ZNF37A: variants seen among roughly 807,000 people sequenced by gnomAD.
The protein encoded by ZNF37A is zinc finger protein 37a (KOX 21).
In ZNF37A, 10 loss-of-function variants were observed where a neutral mutation model predicts 12.3. That is an observed-to-expected ratio of 0.82 (90% confidence interval 0.50 to 1.38). ZNF37A has a LOEUF of 1.38. Ranked by LOEUF, ZNF37A falls within the 40% of genes most tolerant of loss-of-function variation. The pLI is 0.00. For synonymous variants in ZNF37A, 207 were observed against 223.0 expected (o/e 0.93, Z 0.64); for missense variants, 580 against 651.2 (o/e 0.89, Z 1.19).
intron 5 of ZNF37A, among the ~76,000 whole-genome samples, chr10:38,103,972 G>A (rs988740130): frequency 5.9e-5 from 9 of 152,190 alleles, no homozygotes; most frequent in African/African-American, 1.7e-4. Context: ...TACACAGAGC[G>A]TGAAGGTCAA....
At chr10:38,125,156 T>C (rs1413392718), downstream of ZNF37A, 1 of 152,188 alleles carries the variant, frequency 6.6e-6, no homozygotes, top group Non-Finnish European at 1.5e-5. Context: ...AAAATAAATT[T>C]AATGCACTTA....
In ZNF37A at chr10:38,122,105, A is replaced by T. The variant is rs1250319876; in HGVS notation, c.*3268A>T. 5 of 152,250 alleles carry T rather than the reference A, an allele frequency of 3.3e-5. No homozygotes were observed. Among genetic ancestry groups the T allele is most frequent in the African/African-American group, 1.2e-4 (5 of 41,410 alleles). 9.4% of individuals were successfully genotyped at this position (152,250 alleles called of 1,614,324 possible). A position where few individuals can be genotyped will look rare whatever the true frequency, so the allele number is the denominator to read the frequency against. On this transcript the variant is annotated 3_prime_UTR_variant, in exon 8 of 8. Coordinates refer to ENST00000685332, the MANE Select transcript of ZNF37A (RefSeq NM_001324250.3). ...ACAAAAATTAGCCAGGCATGGTGGC[A>T]TGCACCTGTAGTCCGAGGTACTCAG... is the stretch of plus-strand genomic sequence containing the variant.
At chr10:38,113,981 A>C (rs1191065771) in intron 5 of ZNF37A, among the ~76,000 whole-genome samples, 1 of 152,210 alleles carries the variant, frequency 6.6e-6, no homozygotes. Flanking sequence ...TTATATTTTT[A>C]TCTAAAAAAT....
rs755012320 is a variant in ZNF37A at position 38,117,493 on chromosome 10, A to G, written c.342A>G (p.Glu114=). ...CDEKHEIIHS[E]EEPSEYNKNG... ...AAAAGCATGAAATAATTCATTCTGA[A>G]GAGGAACCTTCTGAATATAATAAAA... The change falls in exon 8 of 8, where the codon GAA becomes GAG. Residue 114 remains glutamate, a synonymous_variant. Coordinates refer to ENST00000685332, the MANE Select transcript of ZNF37A (RefSeq NM_001324250.3). The G allele has an allele frequency of 1.2e-5, 19 of 1,613,108 alleles. No homozygotes were observed. In the South Asian group the frequency reaches 1.8e-4, roughly 15 times the overall value.
In ZNF37A at chr10:38,146,858, G is replaced by A. The variant is rs2070262284; in HGVS notation, c.*38G>A. On this transcript the variant is annotated 3_prime_UTR_variant, in exon 8 of 8. Coordinates refer to the ZNF37A transcript ENST00000638053. ...AAAGACAAAGACACAGAAATAAAGT[G>A]CAAAGTGGGAATCGGGGATAACAGC... 1.3e-5 allele frequency: 5 copies of A among 397,840 alleles called. No homozygotes were observed. The East Asian group carries it at 1.8e-4, about 14-fold the overall frequency. 24.6% of individuals were successfully genotyped at this position (397,840 alleles called of 1,614,324 possible).
At chr10:38,140,158 T>C (rs1590949283) in intron 7 of ZNF37A, 1 of 152,250 alleles carries the variant, frequency 6.6e-6, no homozygotes, top group African/African-American at 2.4e-5. Flanking sequence ...TACCAAATGC[T>C]ACACCACAAA....
At chr10:38,132,064 A>G (rs541638425) in intron 7 of ZNF37A, among the ~76,000 whole-genome samples, 1 of 152,258 alleles carries the variant, frequency 6.6e-6, no homozygotes, top group Non-Finnish European at 1.5e-5. Flanking sequence ...TCATCTGCAA[A>G]TAGAGATATT....
chr10:38,096,787 T>C (rs1189052327), intron 5 of ZNF37A, among the ~76,000 whole-genome samples, 155 bp downstream of exon 5: 1 of 152,228 alleles, frequency 6.6e-6, no homozygotes, highest in Non-Finnish European at 1.5e-5. Flanking sequence ...TGCCGCATGT[T>C]TTTTTATGGT....
chr10:38,100,431 T>C (rs936308910), intron 5 of ZNF37A, among the ~76,000 whole-genome samples: 14 of 152,228 alleles, frequency 9.2e-5, no homozygotes, highest in East Asian at 5.8e-4. Context: ...CTACAGACCA[T>C]AGGAGACGGC....
intron 7 of ZNF37A, among the ~76,000 whole-genome samples, chr10:38,131,380 T>A (rs2070024857): frequency 6.6e-6 from 1 of 152,166 alleles, no homozygotes; most frequent in Admixed American, 6.6e-5. Flanking sequence ...GCATGTGTTG[T>A]AAGGGTCCAA....
At chr10:38,097,170 G>C (rs2067214556) in intron 5 of ZNF37A, among the ~76,000 whole-genome samples, 2 of 152,356 alleles carry the variant, frequency 1.3e-5, no homozygotes, top group Non-Finnish European at 2.9e-5. Flanking sequence ...AGGTGACACT[G>C]TGAAACTTCT....
At chr10:38,112,951 G>GCA in intron 5 of ZNF37A, among the ~76,000 whole-genome samples, 1 of 151,890 alleles carries the variant, frequency 6.6e-6, no homozygotes, top group East Asian at 1.9e-4. Context: ...GGGATTACAG[G>GCA]TGCCTGCCAC....
chr10:38,112,783 T>TCTTGTCTTG lies in ZNF37A; in HGVS notation c.16-1972_16-1971insCTTGTCTTG, dbSNP rs1564932429. 4.2e-3 allele frequency among the ~76,000 whole-genome samples: 242 copies of TCTTGTCTTG among 57,858 alleles called. 15 individuals carry two copies. Among genetic ancestry groups the TCTTGTCTTG allele is most frequent in the African/African-American group, 0.011 (172 of 16,300 alleles). 38.0% of individuals were successfully genotyped at this position (57,858 alleles called of 152,430 possible). A position where few individuals can be genotyped will look rare whatever the true frequency, so the allele number is the denominator to read the frequency against. On this transcript the variant is annotated intron_variant, in intron 5 of 7. Transcript: ENST00000685332. ...TTCTTTTCTTTTCTTTTCTTTTCTTTTCTTTTCTTTTCTTGTCTTGTCTTG... is the reference window on the plus strand; with the variant it reads ...TTCTTTTCTTTTCTTTTCTTTTCTTTCTTGTCTTGTCTTTTCTTTTCTTGTCTTGTCTTG...
In ZNF37A at chr10:38,117,961, T is replaced by G; in HGVS notation, c.810T>G (p.Pro270=). The change falls in exon 8 of 8, where the codon CCT becomes CCG. Residue 270 remains proline (P), a synonymous_variant. Coordinates refer to ENST00000685332, the MANE Select transcript of ZNF37A (RefSeq NM_001324250.3). Reference sequence around the variant, plus strand: ...AGAGAACACATACAGGAGAAAAACCTTATGAATGTCATGAATGTGGAAAAA... The same window carrying G: ...AGAGAACACATACAGGAGAAAAACCGTATGAATGTCATGAATGTGGAAAAA... The part of the protein sequence containing the change: ...LQQRTHTGEK[P]YECHECGKTF... 1 of 1,613,904 alleles carries G rather than the reference T, an allele frequency of 6.2e-7. No individual in the cohort carries two copies. Among genetic ancestry groups the G allele is most frequent in the Non-Finnish European group, 8.5e-7 (1 of 1,180,012 alleles).
At position 38,121,719 on chromosome 10, in the gene ZNF37A, A is replaced by G. The variant is rs1266062253; in HGVS notation, c.*2882A>G. The G allele has an allele frequency of 6.6e-6, 1 of 152,242 alleles. No individual in the cohort carries two copies. Among genetic ancestry groups the G allele is most frequent in the Non-Finnish European group, 1.5e-5 (1 of 68,044 alleles). 9.4% of individuals were successfully genotyped at this position (152,242 alleles called of 1,614,324 possible). On this transcript the variant is annotated 3_prime_UTR_variant, in exon 8 of 8. Coordinates refer to ENST00000685332, the MANE Select transcript of ZNF37A (RefSeq NM_001324250.3). ...TAGAACTCATATCTTTTAAATATAT[A>G]GGAACAAATAAATAAATTGTTGTGT...
Position 38,117,547 on chromosome 10 carries a change from C to A in ZNF37A, c.396C>A (p.Asp132Glu). The change falls in exon 8 of 8, where the codon GAC becomes GAA. Residue 132 changes from aspartate (D) to glutamate (E), a missense_variant. Transcript: ENST00000685332. ...GGAACAGCTTCTGGCTGAATGAAGA[C>A]CTCATTTGGCATCAGAAAATTAAAA... ...KNGNSFWLNE[D>E]LIWHQKIKNW... is the part of the protein sequence containing the mutation. 2 of 1,613,548 alleles carry A rather than the reference C, an allele frequency of 1.2e-6. No homozygotes were observed. Among genetic ancestry groups the A allele is most frequent in the Non-Finnish European group, 1.7e-6 (2 of 1,179,870 alleles).
chr10:38,104,314 A>G (rs1478136652), intron 5 of ZNF37A, among the ~76,000 whole-genome samples: 2 of 152,240 alleles, frequency 1.3e-5, no homozygotes, highest in Non-Finnish European at 2.9e-5. Flanking sequence ...TAGACAGATC[A>G]AAATACACAA....
chr10:38,094,525 G>A (rs1228398811), intron 1 of ZNF37A, 35 bp downstream of exon 1: 1 of 152,464 alleles, frequency 6.6e-6, no homozygotes, highest in African/African-American at 2.4e-5. Flanking sequence ...GGGTGGACTG[G>A]GGGTTCCGCG....
At chr10:38,106,696 C>A (rs1471874889) in intron 5 of ZNF37A, among the ~76,000 whole-genome samples, 3 of 151,952 alleles carry the variant, frequency 2.0e-5, no homozygotes. Flanking sequence ...AGCACAAGAA[C>A]TTCGTGAAGC....
Sources: allele counts gnomAD v4.1 joint callset (sites outside exome capture counted in the v4.1 genomes callset), GRCh38; gene constraint gnomAD v4.1.1; transcripts MANE v1.5; gene names NCBI Gene and HGNC (gene_info 2026-07-23, HGNC 2026-07-21).